The following NCAM2 variants were observed in gnomAD, a reference collection of about 807,000 sequenced individuals.
NCAM2 encodes N-CAM-2.
NCAM2 carries 30 observed loss-of-function variants against 98.1 expected under a neutral mutation model. The observed-to-expected ratio is 0.31, with a 90% confidence interval of 0.23 to 0.41. The LOEUF is 0.41. Ranked by LOEUF, NCAM2 falls within the 10% of genes least tolerant of loss-of-function variation. NCAM2 has a pLI of 1.00. For missense variants in NCAM2, 867 were observed against 1,005.8 expected (o/e 0.86, Z 1.87); for synonymous variants, 368 against 342.4 (o/e 1.07, Z -0.83).
At position 21,508,808 on chromosome 21, in the gene NCAM2, C is replaced by CTTTTT. The variant is rs764097299; in HGVS notation, c.2078-15_2078-11dup. 69 of 413,282 alleles carry CTTTTT rather than the reference C, an allele frequency of 1.7e-4. 18 individuals are homozygous for CTTTTT. The highest frequency in any genetic ancestry group is 4.8e-4 in the African/African-American group (14 of 29,382). The allele number at this position is 413,282 out of a possible 1,614,324, so 25.6% of individuals were successfully genotyped here. Reference sequence around the variant, plus strand: ...ATTTAGAGGTTTAATACTTTTTTTCCTTTTTTTTTTTTTTTTTTTTTTTTT... The same window carrying CTTTTT: ...ATTTAGAGGTTTAATACTTTTTTTCCTTTTTTTTTTTTTTTTTTTTTTTTTTTTTT... On this transcript the variant is annotated intron_variant, in intron 15 of 17. Coordinates refer to ENST00000400546, the MANE Select transcript of NCAM2 (RefSeq NM_004540.5).
chr21:21,337,922 T>C (rs1040390722), intron 7 of NCAM2, among the ~76,000 whole-genome samples: 1 of 152,116 alleles, frequency 6.6e-6, no homozygotes, highest in African/African-American at 2.4e-5. Flanking sequence ...GGTGAAATTG[T>C]TAAAGCTTAA....
intron 1 of NCAM2, among the ~76,000 whole-genome samples, chr21:21,027,621 C>T (rs951249789): frequency 6.6e-6 from 1 of 152,098 alleles, no homozygotes; most frequent in African/African-American, 2.4e-5. Flanking sequence ...CATGTTTGAT[C>T]TCAAAGGAAG....
intron 1 of NCAM2, among the ~76,000 whole-genome samples, chr21:21,036,019 T>G (rs1287148876): frequency 6.6e-6 from 1 of 152,152 alleles, no homozygotes; most frequent in African/African-American, 2.4e-5. Flanking sequence ...CCCACATAAT[T>G]TAACATATGA....
intron 5 of NCAM2, among the ~76,000 whole-genome samples, chr21:21,294,869 T>C (rs1367956610): frequency 3.3e-5 from 5 of 151,656 alleles, no homozygotes; most frequent in Non-Finnish European, 7.4e-5. Context: ...TGCTTAAAGA[T>C]GTTTCAGTGA....
At chr21:21,530,219 T>G (rs9984340) in intron 16 of NCAM2, among the ~76,000 whole-genome samples, 1 of 111,732 alleles carries the variant, frequency 8.9e-6, no homozygotes, top group Non-Finnish European at 2.0e-5. Context: ...TTTAATTTAA[T>G]TTAATTATAT....
intron 1 of NCAM2, among the ~76,000 whole-genome samples, chr21:21,020,922 G>T (rs2064421175): frequency 6.6e-6 from 1 of 152,180 alleles, no homozygotes; most frequent in Non-Finnish European, 1.5e-5. Flanking sequence ...GTCCATGCTT[G>T]TTGCAAAGAC....
chr21:21,063,826 CAT>C (rs1200202135), intron 1 of NCAM2, among the ~76,000 whole-genome samples: 1 of 151,944 alleles, frequency 6.6e-6, no homozygotes, highest in Non-Finnish European at 1.5e-5. Flanking sequence ...GTTTATTAGT[CAT>C]ATTACTAAGC....
chr21:21,233,040 A>G (rs1380545341), intron 1 of NCAM2, among the ~76,000 whole-genome samples: 1 of 151,586 alleles, frequency 6.6e-6, no homozygotes. Context: ...TGCACTTTCT[A>G]TTTTTTAAAA....
chr21:21,125,625 A>G (rs1284844140), intron 1 of NCAM2, among the ~76,000 whole-genome samples: 1 of 135,640 alleles, frequency 7.4e-6, no homozygotes, highest in East Asian at 2.1e-4. Flanking sequence ...TATGTTATAT[A>G]TAATATATAA....
At chr21:21,216,489 C>T (rs1171139581) in intron 1 of NCAM2, among the ~76,000 whole-genome samples, 1 of 152,140 alleles carries the variant, frequency 6.6e-6, no homozygotes, top group Non-Finnish European at 1.5e-5. Context: ...AAGGACATGA[C>T]CTAGATATGT....
intron 1 of NCAM2, among the ~76,000 whole-genome samples, chr21:21,196,021 C>T (rs1040719118): frequency 6.6e-6 from 1 of 152,132 alleles, no homozygotes; most frequent in Non-Finnish European, 1.5e-5. Flanking sequence ...ATTTTACATT[C>T]TCAGTCAACT....
Position 21,324,426 on chromosome 21 carries a change from A to C in NCAM2, c.663A>C (p.Thr221=). 6.2e-7 allele frequency: 1 copy of C among 1,613,822 alleles called. No homozygotes were observed. The highest frequency in any genetic ancestry group is 8.5e-7 in the Non-Finnish European group (1 of 1,179,814). ...ISMPQKSFNA[T]AERGEEMTFS... is the part of the protein sequence containing the mutation. ...TGCCTCAGAAATCTTTTAATGCCAC[A>C]GCAGAGAGAGGAGAAGAAATGACAT... The change falls in exon 6 of 18, where the codon ACA becomes ACC. Residue 221 remains threonine, a synonymous_variant. Transcript: ENST00000400546.
At chr21:21,468,302 C>T (rs1210713626) in intron 13 of NCAM2, among the ~76,000 whole-genome samples, 1 of 151,822 alleles carries the variant, frequency 6.6e-6, no homozygotes. Context: ...GCTTACAAAA[C>T]ATTTACAAAC....
chr21:21,459,323 G>A (rs377652641), intron 12 of NCAM2, among the ~76,000 whole-genome samples: 3 of 151,702 alleles, frequency 2.0e-5, no homozygotes, highest in Admixed American at 6.6e-5. Context: ...AAATGTGTAC[G>A]TCTATGTTCT....
chr21:21,513,522 G>C (rs145799197), intron 16 of NCAM2, among the ~76,000 whole-genome samples: 11 of 151,138 alleles, frequency 7.3e-5, no homozygotes, highest in African/African-American at 2.7e-4. Context: ...TCTTTTTATT[G>C]ACTTTTAGTT....
intron 1 of NCAM2, among the ~76,000 whole-genome samples, chr21:21,170,059 A>C (rs2146837774): frequency 6.6e-6 from 1 of 152,348 alleles, no homozygotes; most frequent in South Asian, 2.1e-4. Flanking sequence ...GAGATACCAC[A>C]GCACCCTTAT....
chr21:21,529,863 A>C (rs1421344631), intron 16 of NCAM2, among the ~76,000 whole-genome samples: 1 of 151,248 alleles, frequency 6.6e-6, no homozygotes, highest in Non-Finnish European at 1.5e-5. Context: ...TATATTTAAT[A>C]ATATCACCTT....
intron 15 of NCAM2, among the ~76,000 whole-genome samples, chr21:21,481,809 A>G (rs747433513): frequency 1.3e-4 from 20 of 152,214 alleles, no homozygotes; most frequent in Non-Finnish European, 2.5e-4. Context: ...ATTTGTAAAA[A>G]TGTCACAAAT....
intron 15 of NCAM2, among the ~76,000 whole-genome samples, chr21:21,489,358 A>G (rs1302868813): frequency 1.3e-5 from 2 of 151,808 alleles, no homozygotes; most frequent in Admixed American, 6.6e-5. Flanking sequence ...CTAATGCTTT[A>G]TTTTTAATTT....
Sources: allele counts gnomAD v4.1 joint callset (sites outside exome capture counted in the v4.1 genomes callset), GRCh38; gene constraint gnomAD v4.1.1; transcripts MANE v1.5; gene names NCBI Gene and HGNC (gene_info 2026-07-23, HGNC 2026-07-21).